OTUD7B: variants seen among roughly 807,000 people sequenced by gnomAD.
OTUD7B encodes the protein OTU domain-containing protein 7B.
A neutral mutation model predicts 82.2 loss-of-function variants in OTUD7B; 34 were observed. The observed-to-expected ratio is 0.41, with a 90% confidence interval of 0.31 to 0.55. The LOEUF (loss-of-function observed/expected upper bound fraction) is 0.55, where lower values mean the gene tolerates loss of function less well. OTUD7B is among the 20% of genes least tolerant of loss of function. The probability of loss-of-function intolerance (pLI) is 0.20; values close to 1 mark genes in which losing one functional copy is unlikely to be tolerated. For missense variants in OTUD7B, 944 were observed against 1,062.1 expected, an observed-to-expected ratio of 0.89 and a Z score of 1.55; for synonymous variants, 398 against 402.7, an observed-to-expected ratio of 0.99 and a Z score of 0.14.
At chr1:149,947,417 G>C in intron 10 of OTUD7B, 82 bp from the exon 11 acceptor site, 1 of 783,678 alleles carries the variant, frequency 1.3e-6, no homozygotes, top group Non-Finnish European at 2.2e-6. Flanking sequence ...GGGTGGGAGA[G>C]GGCTACATGG....
intron 1 of OTUD7B, among the ~76,000 whole-genome samples, chr1:149,982,098 G>A (rs587678709): frequency 7.6e-4 from 116 of 152,140 alleles, no homozygotes; most frequent in African/African-American, 2.7e-3. Context: ...GCAGTGAGCC[G>A]AGATCGCGCC....
chr1:150,046,683 T>G, the OTUD7B span, among the ~76,000 whole-genome samples: 2 of 149,264 alleles, frequency 1.3e-5, no homozygotes, highest in South Asian at 4.4e-4. Flanking sequence ...TCTCCTAACC[T>G]CGTGATCCAC....
chr1:149,979,780 C>A (rs1553779320), intron 1 of OTUD7B, among the ~76,000 whole-genome samples: 2 of 152,098 alleles, frequency 1.3e-5, no homozygotes, highest in Admixed American at 1.3e-4. Context: ...CCTCCCCCTA[C>A]CCCCCAGTAC....
At chr1:150,043,583 G>C in the OTUD7B span, among the ~76,000 whole-genome samples, 3 of 152,072 alleles carry the variant, frequency 2.0e-5, no homozygotes, top group Admixed American at 6.6e-5. Flanking sequence ...TTTGGACATA[G>C]TCAAGCAGAT....
intron 3 of OTUD7B, among the ~76,000 whole-genome samples, chr1:149,969,026 T>C (rs587626949): frequency 2.0e-5 from 3 of 152,200 alleles, no homozygotes; most frequent in African/African-American, 7.2e-5. Context: ...TTAAAAATAT[T>C]TTTTAGGTAT....
In OTUD7B at chr1:149,965,203, A is replaced by G. The variant is rs587601628; in HGVS notation, c.604+574T>C. Among the ~76,000 whole-genome samples, 3 of 152,170 alleles carry G rather than the reference A, an allele frequency of 2.0e-5. No individual in the cohort carries two copies. The South Asian group carries it at 6.2e-4, about 32-fold the overall frequency. On this transcript the variant is annotated intron_variant, in intron 5 of 11. Transcript: ENST00000581312. ...CCATTGAGCCCAGCCCTTACTTTAA[A>G]TATTAAGCCTATTTACAGTGGGGCA...
At chr1:149,948,670 T>C (rs1408500411) in intron 10 of OTUD7B, among the ~76,000 whole-genome samples, 4 of 152,166 alleles carry the variant, frequency 2.6e-5, no homozygotes, top group Non-Finnish European at 5.9e-5. Context: ...ATGCCCGGCC[T>C]GATTATCCTG....
chr1:150,067,358 G>C, the OTUD7B span: 1 of 153,814 alleles, frequency 6.5e-6, no homozygotes, highest in Non-Finnish European at 1.4e-5. Flanking sequence ...CCGTCTCTCC[G>C]AGTCCCAAGC....
At chr1:150,002,464 A>AG (rs1553785090) in intron 1 of OTUD7B, among the ~76,000 whole-genome samples, 1 of 152,170 alleles carries the variant, frequency 6.6e-6, no homozygotes, top group African/African-American at 2.4e-5. Context: ...TGGTACTCTC[A>AG]GGGAACATCT....
At chr1:150,058,640 C>T in the OTUD7B span, among the ~76,000 whole-genome samples, 1 of 152,214 alleles carries the variant, frequency 6.6e-6, no homozygotes, top group African/African-American at 2.4e-5. Context: ...AAGATCCACA[C>T]TTGATGAATC....
intron 5 of OTUD7B, 135 bp from the exon 6 acceptor site, chr1:149,964,484 AC>A: frequency 1.4e-6 from 1 of 723,634 alleles, no homozygotes; most frequent in Non-Finnish European, 2.2e-6. Flanking sequence ...CCCCTGCCTT[AC>A]CCTCCCAAAG....
At chr1:149,972,322 T>G (rs2101841751) in intron 2 of OTUD7B, among the ~76,000 whole-genome samples, 1 of 152,340 alleles carries the variant, frequency 6.6e-6, no homozygotes, top group East Asian at 1.9e-4. Flanking sequence ...ATTAGCCAAT[T>G]GTTCTGACTC....
At chr1:150,010,352 G>C (rs1553787076) in intron 1 of OTUD7B, 96 bp downstream of exon 1, 1 of 152,618 alleles carries the variant, frequency 6.6e-6, no homozygotes, top group Non-Finnish European at 1.5e-5. Context: ...GGAGAAAGGG[G>C]ACAGTGGCGA....
At chr1:150,059,391 CAG>C in the OTUD7B span, among the ~76,000 whole-genome samples, 1 of 126,938 alleles carries the variant, frequency 7.9e-6, no homozygotes, top group Non-Finnish European at 1.6e-5. Context: ...TTTTTTGAGA[CAG>C]AGTTTCACTC....
At chr1:150,054,445 T>G in the OTUD7B span, 2 of 531,012 alleles carry the variant, frequency 3.8e-6, no homozygotes, top group Non-Finnish European at 7.4e-6. Context: ...AATCTGTCAT[T>G]GCCACCTCAG....
intron 1 of OTUD7B, among the ~76,000 whole-genome samples, chr1:150,007,074 A>T (rs1323024344): frequency 1.3e-5 from 2 of 152,132 alleles, no homozygotes; most frequent in Non-Finnish European, 2.9e-5. Flanking sequence ...GACTTGCCCA[A>T]CCCACATTCT....
chr1:150,039,658 A>T, the OTUD7B span, among the ~76,000 whole-genome samples: 1 of 152,238 alleles, frequency 6.6e-6, no homozygotes, highest in Non-Finnish European at 1.5e-5. Context: ...TACAGGCATG[A>T]GCCACTGCGC....
At chr1:150,009,599 A>G (rs1652890603) in intron 1 of OTUD7B, among the ~76,000 whole-genome samples, 1 of 152,168 alleles carries the variant, frequency 6.6e-6, no homozygotes, top group South Asian at 2.1e-4. Flanking sequence ...ATAAAATTCC[A>G]CCAGTCAGTT....
At chr1:150,031,861 CTA>C in the OTUD7B span, among the ~76,000 whole-genome samples, 1 of 152,160 alleles carries the variant, frequency 6.6e-6, no homozygotes, top group Non-Finnish European at 1.5e-5. Context: ...ATAATAAGGT[CTA>C]TGTTAAGTAT....
Sources: allele counts gnomAD v4.1 joint callset (sites outside exome capture counted in the v4.1 genomes callset), GRCh38; gene constraint gnomAD v4.1.1; transcripts MANE v1.5; gene names NCBI Gene and HGNC (gene_info 2026-07-23, HGNC 2026-07-21).